Variants in FMN1 observed in about 807,000 individuals in gnomAD.
FMN1 encodes formin 1, also known as formin-1.
Under a neutral mutation model 132.4 loss-of-function variants are expected in FMN1, and 110 were observed. The ratio of observed to expected loss-of-function variants is 0.83; its 90% CI spans 0.71 to 0.97. FMN1 has a LOEUF of 0.97. Among genes scored for constraint, FMN1 ranks in the 50% least tolerant of loss-of-function variants. The probability of loss-of-function intolerance (pLI) is 0.00; values close to 1 mark genes in which losing one functional copy is unlikely to be tolerated. For missense variants in FMN1, 1,792 were observed against 1,705.3 expected, an observed-to-expected ratio of 1.05 and a Z score of -0.90; for synonymous variants, 722 against 651.7, an observed-to-expected ratio of 1.11 and a Z score of -1.64.
intron 17 of FMN1, among the ~76,000 whole-genome samples, chr15:32,816,092 A>G (rs1488028407): frequency 6.6e-6 from 1 of 152,224 alleles, no homozygotes; most frequent in Admixed American, 6.5e-5. Flanking sequence ...CATCACTATA[A>G]TTCTTTGTAA....
At chr15:32,825,343 G>T (rs1327357924) in intron 17 of FMN1, among the ~76,000 whole-genome samples, 1 of 152,180 alleles carries the variant, frequency 6.6e-6, no homozygotes, top group East Asian at 1.9e-4. Context: ...TGCCTAGGTG[G>T]TCTGCCCTAG....
intron 19 of FMN1, among the ~76,000 whole-genome samples, chr15:32,785,218 A>ATATATATATTTTT (rs1444523400): frequency 1.3e-4 from 5 of 39,202 alleles, no homozygotes; most frequent in Admixed American, 3.4e-4. Context: ...ATATATATAT[A>ATATATATATTTTT]TTTTTTTTTT....
At position 32,899,298 on chromosome 15, in the gene FMN1, A is replaced by C. The variant is rs192474094; in HGVS notation, c.3655-405T>G. Among the ~76,000 whole-genome samples the C allele has an allele frequency of 8.9e-4, 136 of 152,296 alleles. 2 individuals are homozygous for C. Among genetic ancestry groups the C allele is most frequent in the African/African-American group, 3.1e-3 (130 of 41,560 alleles). On this transcript the variant is annotated intron_variant, in intron 14 of 20. Coordinates refer to ENST00000616417, the MANE Select transcript of FMN1 (RefSeq NM_001277313.2). ...GTGCGTTCTTAATGGTGTGAAAAACAATCCAGGCCAGCTTAAAAGGAGCAC... is the reference window on the plus strand; with the variant it reads ...GTGCGTTCTTAATGGTGTGAAAAACCATCCAGGCCAGCTTAAAAGGAGCAC...
chr15:32,996,558 A>T (rs2033780398), intron 7 of FMN1, among the ~76,000 whole-genome samples: 1 of 152,188 alleles, frequency 6.6e-6, no homozygotes, highest in African/African-American at 2.4e-5. Flanking sequence ...ACAGGGTAAG[A>T]GGGCCACCTC....
intron 6 of FMN1, among the ~76,000 whole-genome samples, chr15:33,044,383 T>C (rs927907854): frequency 2.0e-5 from 3 of 152,206 alleles, no homozygotes; most frequent in Non-Finnish European, 4.4e-5. Flanking sequence ...TGGGAACTTA[T>C]GATGCTTTTT....
intron 20 of FMN1, among the ~76,000 whole-genome samples, chr15:32,776,410 C>G (rs1480145901): frequency 6.6e-6 from 1 of 152,114 alleles, no homozygotes; most frequent in Non-Finnish European, 1.5e-5. Context: ...GCTAAGTGAC[C>G]CTGGGTAGGC....
chr15:32,846,754 G>A (rs1413564475), intron 17 of FMN1, among the ~76,000 whole-genome samples: 1 of 152,196 alleles, frequency 6.6e-6, no homozygotes, highest in Non-Finnish European at 1.5e-5. Flanking sequence ...AGAGATGCAT[G>A]CACACGTATG....
In FMN1 at chr15:32,901,898, A is replaced by G. The variant is rs1567358186; in HGVS notation, c.3507+13T>C. 13 of 1,595,276 alleles carry G rather than the reference A, an allele frequency of 8.1e-6. No homozygotes were observed. The East Asian group carries it at 2.9e-4, about 36-fold the overall frequency. On this transcript the variant is annotated intron_variant, in intron 13 of 20. Coordinates refer to ENST00000616417, the MANE Select transcript of FMN1 (RefSeq NM_001277313.2). ...AGAGCAAGGCTATCTTTTAAATTAG[A>G]CAGTAAACATACCTTAGAAGCTCGC... is the stretch of plus-strand genomic sequence containing the variant.
chr15:32,857,070 G>A lies in FMN1; in HGVS notation c.3873C>T (p.Ser1291=), dbSNP rs1359321357. ...TGAAAGGCTGGAGATACTCCTTTGG[G>A]GACTCCTTGCACACCACCACCATCT... The part of the protein sequence containing the change: ...EKQMVVVCKE[S]PKEYLQPFKD... The change falls in exon 17 of 21, where the codon TCC becomes TCT. Residue 1291 remains serine, a synonymous_variant. Transcript: ENST00000616417. 2.5e-6 allele frequency: 4 copies of A among 1,613,806 alleles called. No individual in the cohort carries two copies. The highest frequency in any genetic ancestry group is 8.5e-7 in the Non-Finnish European group (1 of 1,179,750).
At chr15:33,060,628 C>A (rs1202029258) in intron 6 of FMN1, among the ~76,000 whole-genome samples, 4 of 152,168 alleles carry the variant, frequency 2.6e-5, no homozygotes, top group Non-Finnish European at 5.9e-5. Flanking sequence ...ATGCTAAGTT[C>A]TCTTCTCTAC....
At chr15:32,963,988 A>G (rs2140600692) in intron 9 of FMN1, 119 bp downstream of exon 9, 1 of 553,524 alleles carries the variant, frequency 1.8e-6, no homozygotes, top group South Asian at 4.0e-5. Context: ...ACATATATGT[A>G]TAGGTATGTG....
chr15:33,184,876 C>T (rs879395884), intron 2 of FMN1, among the ~76,000 whole-genome samples: 19 of 152,086 alleles, frequency 1.2e-4, no homozygotes, highest in Admixed American at 9.8e-4. Flanking sequence ...GTTTACAAAG[C>T]GGAAAAGACT....
At position 32,963,229 on chromosome 15, in the gene FMN1, A is replaced by G. The variant is rs569597063; in HGVS notation, c.3138+878T>C. Among the ~76,000 whole-genome samples, 106 of 151,798 alleles carry G rather than the reference A, an allele frequency of 7.0e-4. 2 individuals carry two copies. In the East Asian group the frequency reaches 0.02, roughly 28 times the overall value. On this transcript the variant is annotated intron_variant, in intron 9 of 20. Coordinates refer to ENST00000616417, the MANE Select transcript of FMN1 (RefSeq NM_001277313.2). ...GAAATTGGAAATCATCATTCTCAGTAAACTATCACAAGAACAAAAAACCAA... is the reference window on the plus strand; with the variant it reads ...GAAATTGGAAATCATCATTCTCAGTGAACTATCACAAGAACAAAAAACCAA...
chr15:32,911,438 A>G (rs1417514929), intron 10 of FMN1, among the ~76,000 whole-genome samples: 2 of 152,156 alleles, frequency 1.3e-5, no homozygotes, highest in East Asian at 3.8e-4. Flanking sequence ...TAAACCAACC[A>G]GTGATACTTA....
intron 4 of FMN1, among the ~76,000 whole-genome samples, chr15:33,096,289 A>G (rs927118085): frequency 1.3e-5 from 2 of 152,204 alleles, no homozygotes; most frequent in African/African-American, 2.4e-5. Context: ...TCTTTACACA[A>G]TATTGTTGCC....
At chr15:32,941,339 T>A (rs2061396949) in intron 9 of FMN1, among the ~76,000 whole-genome samples, 1 of 152,208 alleles carries the variant, frequency 6.6e-6, no homozygotes, top group Non-Finnish European at 1.5e-5. Context: ...CATTTAACAC[T>A]TAGCACTGAA....
At chr15:32,931,942 G>A (rs534147807) in intron 9 of FMN1, among the ~76,000 whole-genome samples, 12 of 152,094 alleles carry the variant, frequency 7.9e-5, no homozygotes, top group East Asian at 3.9e-4. Flanking sequence ...ACAGTGTTGA[G>A]TTTTTTCAAA....
chr15:32,838,998 G>C (rs906152007), intron 17 of FMN1, among the ~76,000 whole-genome samples: 6 of 152,108 alleles, frequency 3.9e-5, no homozygotes, highest in African/African-American at 1.4e-4. Flanking sequence ...TTGCCCATCT[G>C]CTTGTTTACA....
intron 16 of FMN1, among the ~76,000 whole-genome samples, chr15:32,873,073 T>G (rs988060597): frequency 6.6e-6 from 1 of 152,208 alleles, no homozygotes. Flanking sequence ...TTTGCCACTG[T>G]CTTCAGATTT....
Sources: gnomAD v4.1 joint callset for allele counts (sites outside exome capture counted in the v4.1 genomes callset) on GRCh38, gnomAD v4.1.1 for gene constraint, MANE v1.5 for transcripts, NCBI Gene and HGNC (gene_info 2026-07-23, HGNC 2026-07-21) for gene names.